Variants in TMEM132D observed in about 807,000 individuals in gnomAD.
TMEM132D encodes transmembrane protein 132D.
Under a neutral mutation model 62.3 loss-of-function variants are expected in TMEM132D, and 21 were observed. The observed-to-expected ratio is 0.34, with a 90% CI of 0.24 to 0.49. The LOEUF is 0.49. Ranked by LOEUF, TMEM132D falls within the 20% of genes least tolerant of loss-of-function variation. The pLI, the probability that TMEM132D is intolerant of heterozygous loss-of-function variation, is 0.99. For synonymous variants in TMEM132D, 621 were observed against 575.6 expected (o/e 1.08, Z -1.13); for missense variants, 1,346 against 1,402.8 (o/e 0.96, Z 0.65).
intron 2 of TMEM132D, among the ~76,000 whole-genome samples, chr12:129,575,291 G>C (rs760590463): frequency 9.9e-5 from 15 of 151,814 alleles, no homozygotes; most frequent in South Asian, 4.1e-4. Context: ...TAGTAATTAA[G>C]TTTTGGAGGA....
chr12:129,644,272 G>T (rs141234145), intron 2 of TMEM132D, among the ~76,000 whole-genome samples: 1 of 152,162 alleles, frequency 6.6e-6, no homozygotes, highest in African/African-American at 2.4e-5. Context: ...CTTGGCAAAA[G>T]AAACTCTAAA....
intron 1 of TMEM132D, among the ~76,000 whole-genome samples, chr12:129,801,498 TAACA>T (rs1258690512): frequency 2.6e-5 from 4 of 151,462 alleles, no homozygotes; most frequent in Non-Finnish European, 4.4e-5. Context: ...GAAGGAAAAC[TAACA>T]AACAGAAAGG....
chr12:129,489,938 G>A lies in TMEM132D; in HGVS notation c.1115+41121C>T, dbSNP rs1383160872. On this transcript the variant is annotated intron_variant, in intron 3 of 8. Coordinates refer to ENST00000422113, the MANE Select transcript of TMEM132D (RefSeq NM_133448.3). ...TCACTATACATCTGTCAATAACAGAGAGGAAGAGAGGGAGAAATTGTCCAG... is the reference window on the plus strand; with the variant it reads ...TCACTATACATCTGTCAATAACAGAAAGGAAGAGAGGGAGAAATTGTCCAG... Among the ~76,000 whole-genome samples, 5 of 152,214 alleles carry A rather than the reference G, an allele frequency of 3.3e-5. 1 individual carries two copies. Among genetic ancestry groups the A allele is most frequent in the Non-Finnish European group, 7.3e-5 (5 of 68,030 alleles).
At chr12:129,705,424 A>G (rs1298296334) in intron 1 of TMEM132D, among the ~76,000 whole-genome samples, 1 of 152,126 alleles carries the variant, frequency 6.6e-6, no homozygotes, top group Non-Finnish European at 1.5e-5. Flanking sequence ...CTAAAAACTA[A>G]GAAAAAAAAT....
chr12:129,270,638 T>A (rs2135600626), intron 4 of TMEM132D, among the ~76,000 whole-genome samples: 1 of 152,274 alleles, frequency 6.6e-6, no homozygotes, highest in South Asian at 2.1e-4. Flanking sequence ...ACAGTCAAAG[T>A]TCCATATTGT....
intron 1 of TMEM132D, among the ~76,000 whole-genome samples, chr12:129,732,255 A>C (rs770939914): frequency 6.6e-6 from 1 of 152,194 alleles, no homozygotes; most frequent in Non-Finnish European, 1.5e-5. Flanking sequence ...TCCTGGAACA[A>C]AGCTACTAAA....
intron 5 of TMEM132D, among the ~76,000 whole-genome samples, chr12:129,201,333 G>C (rs1878698289): frequency 6.6e-6 from 1 of 152,184 alleles, no homozygotes; most frequent in Non-Finnish European, 1.5e-5. Flanking sequence ...CAGCTGATCT[G>C]TGGGTTCTTA....
intron 1 of TMEM132D, among the ~76,000 whole-genome samples, chr12:129,751,355 C>T (rs1869995004): frequency 6.6e-6 from 1 of 152,166 alleles, no homozygotes; most frequent in Non-Finnish European, 1.5e-5. Flanking sequence ...AGAACTCACT[C>T]GCTATTAAGA....
chr12:129,357,255 AAAAAG>A (rs1487505318), intron 3 of TMEM132D, among the ~76,000 whole-genome samples: 3 of 151,336 alleles, frequency 2.0e-5, no homozygotes, highest in African/African-American at 7.3e-5. Context: ...TCAAAAAAAA[AAAAAG>A]AAAAGAAAGA....
At chr12:129,693,721 G>A (rs1881121342) in intron 2 of TMEM132D, among the ~76,000 whole-genome samples, 1 of 152,174 alleles carries the variant, frequency 6.6e-6, no homozygotes, top group Admixed American at 6.5e-5. Flanking sequence ...AATTTCCCCT[G>A]TAGAGAGCAT....
At chr12:129,151,946 T>TCACTGCAATCTC (rs1565979825) in intron 5 of TMEM132D, among the ~76,000 whole-genome samples, 5 of 150,164 alleles carry the variant, frequency 3.3e-5, no homozygotes, top group African/African-American at 1.2e-4. Context: ...GGTGCAATCT[T>TCACTGCAATCTC]GGCTCACTGC....
At chr12:129,516,951 C>CA (rs1199447047) in intron 3 of TMEM132D, among the ~76,000 whole-genome samples, 1 of 152,158 alleles carries the variant, frequency 6.6e-6, no homozygotes, top group Non-Finnish European at 1.5e-5. Flanking sequence ...ATCAAACCTC[C>CA]AGTTCCATTA....
intron 4 of TMEM132D, 150 bp downstream of exon 4, chr12:129,337,484 C>G (rs1869328904): frequency 1.3e-6 from 1 of 746,772 alleles, no homozygotes; most frequent in African/African-American, 1.8e-5. Context: ...TAACGATTGG[C>G]TATTGGCAGT....
intron 3 of TMEM132D, among the ~76,000 whole-genome samples, chr12:129,435,937 C>T (rs1164732607): frequency 6.6e-6 from 1 of 152,116 alleles, no homozygotes; most frequent in South Asian, 2.1e-4. Context: ...TAGCTAGGAA[C>T]AATTGTGATA....
At chr12:129,736,234 T>G (rs1426717960) in intron 1 of TMEM132D, among the ~76,000 whole-genome samples, 1 of 152,252 alleles carries the variant, frequency 6.6e-6, no homozygotes, top group Non-Finnish European at 1.5e-5. Context: ...TATAGATTTC[T>G]CATTTATAAC....
intron 5 of TMEM132D, among the ~76,000 whole-genome samples, chr12:129,139,411 AC>A (rs1209681486): frequency 6.6e-6 from 1 of 152,136 alleles, no homozygotes; most frequent in Non-Finnish European, 1.5e-5. Context: ...CCAGCCACAA[AC>A]CCTCTGTTCA....
intron 4 of TMEM132D, among the ~76,000 whole-genome samples, chr12:129,270,820 T>C (rs12301750): frequency 0.042 from 6,471 of 152,334 alleles, 259 homozygotes; most frequent in East Asian, 0.21. Context: ...TCCAATTTGG[T>C]ACATGTCAAA....
At chr12:129,446,599 C>T (rs1873104401) in intron 3 of TMEM132D, among the ~76,000 whole-genome samples, 1 of 152,190 alleles carries the variant, frequency 6.6e-6, no homozygotes, top group South Asian at 2.1e-4. Context: ...AATCTCTGCT[C>T]TTGAAGATCT....
At chr12:129,252,950 C>A (rs1206803355) in intron 4 of TMEM132D, among the ~76,000 whole-genome samples, 3 of 149,430 alleles carry the variant, frequency 2.0e-5, no homozygotes, top group Non-Finnish European at 3.0e-5. Flanking sequence ...GACAAAAAAA[C>A]CAAACACCGC....
Sources: gnomAD v4.1 joint callset for allele counts (sites outside exome capture counted in the v4.1 genomes callset) on GRCh38, gnomAD v4.1.1 for gene constraint, MANE v1.5 for transcripts, NCBI Gene and HGNC (gene_info 2026-07-23, HGNC 2026-07-21) for gene names.